The following TSHR variants were observed in gnomAD, a reference collection of about 807,000 sequenced individuals.
TSHR encodes thyrotropin receptor.
In TSHR, 51 loss-of-function variants were observed where a neutral mutation model predicts 64.1. The observed-to-expected ratio is 0.80, with a 90% confidence interval of 0.64 to 1.01. The LOEUF (loss-of-function observed/expected upper bound fraction) is 1.01, where lower values mean the gene tolerates loss of function less well. Among genes scored for constraint, TSHR ranks in the 50% least tolerant of loss-of-function variants. The probability of loss-of-function intolerance (pLI) is 0.00; values close to 1 mark genes in which losing one functional copy is unlikely to be tolerated. For synonymous variants in TSHR, 361 were observed against 361.9 expected (o/e 1.00, Z 0.03); for missense variants, 877 against 942.8 (o/e 0.93, Z 0.91).
At chr14:81,095,298 C>G (rs1750795121) in intron 6 of TSHR, 1 of 152,428 alleles carries the variant, frequency 6.6e-6, no homozygotes, top group South Asian at 2.1e-4. Flanking sequence ...TGGCCAGGCA[C>G]AGTGGCTCAC....
At chr14:81,035,494 C>T (rs989749481) in intron 1 of TSHR, among the ~76,000 whole-genome samples, 2 of 152,132 alleles carry the variant, frequency 1.3e-5, no homozygotes, top group African/African-American at 4.8e-5. Context: ...CTTCCAATGC[C>T]GAGGATGCTG....
chr14:81,133,877 C>T (rs1017348757), intron 8 of TSHR, among the ~76,000 whole-genome samples: 2 of 152,062 alleles, frequency 1.3e-5, no homozygotes, highest in Non-Finnish European at 2.9e-5. Flanking sequence ...AATCTGAGAA[C>T]ACATTTCATC....
chr14:80,969,595 C>A (rs1016737096), intron 1 of TSHR, among the ~76,000 whole-genome samples: 1 of 152,276 alleles, frequency 6.6e-6, no homozygotes, highest in Non-Finnish European at 1.5e-5. Flanking sequence ...GGAGAAGTAT[C>A]TTGATTAGAC....
chr14:81,022,595 G>A (rs922827613), intron 1 of TSHR, among the ~76,000 whole-genome samples: 1 of 151,898 alleles, frequency 6.6e-6, no homozygotes, highest in Non-Finnish European at 1.5e-5. Flanking sequence ...GGCTGAGGCA[G>A]GTGGATTACA....
rs1889173327 is a variant in TSHR at position 81,096,153 on chromosome 14, T to C, written c.546-486T>C. Among the ~76,000 whole-genome samples, 7 of 152,086 alleles carry C rather than the reference T, an allele frequency of 4.6e-5. No homozygotes were observed. In the South Asian group the frequency reaches 1.4e-3, roughly 32 times the overall value. Reference sequence around the variant, plus strand: ...TAACCCTTAAACATTTAATCTGTGATAAGCTCTGAGGATAAAAAGATGGAT... The same window carrying C: ...TAACCCTTAAACATTTAATCTGTGACAAGCTCTGAGGATAAAAAGATGGAT... On this transcript the variant is annotated intron_variant, in intron 6 of 9. Transcript: ENST00000298171.
chr14:81,013,157 T>G (rs1433125735), intron 1 of TSHR: 13 of 152,224 alleles, frequency 8.5e-5, no homozygotes, highest in Admixed American at 7.2e-4. Flanking sequence ...GCTTTCTACA[T>G]ATGGCTAGCC....
chr14:81,074,810 T>A (rs1263623157), intron 3 of TSHR, among the ~76,000 whole-genome samples: 2 of 152,214 alleles, frequency 1.3e-5, no homozygotes, highest in Non-Finnish European at 2.9e-5. Flanking sequence ...AAAACTGACT[T>A]TTTTTGGTCC....
At chr14:81,065,306 A>T (rs1337250525) in intron 2 of TSHR, among the ~76,000 whole-genome samples, 1 of 152,182 alleles carries the variant, frequency 6.6e-6, no homozygotes, top group African/African-American at 2.4e-5. Context: ...GTAGGAAAAG[A>T]TGGGACAGAT....
intron 8 of TSHR, among the ~76,000 whole-genome samples, chr14:81,123,663 G>A (rs1890899010): frequency 6.6e-6 from 1 of 152,188 alleles, no homozygotes; most frequent in Non-Finnish European, 1.5e-5. Context: ...ACGTCTAATA[G>A]TCTAAAAAGT....
intron 8 of TSHR, among the ~76,000 whole-genome samples, chr14:81,126,059 C>T (rs1477240805): frequency 6.6e-6 from 1 of 152,084 alleles, no homozygotes; most frequent in African/African-American, 2.4e-5. Flanking sequence ...ACTCAGGATA[C>T]TTGGTTTCCC....
At chr14:80,984,066 A>AGT (rs144663890) in intron 1 of TSHR, among the ~76,000 whole-genome samples, 4,258 of 151,228 alleles carry the variant, frequency 0.028, 200 homozygotes, top group African/African-American at 0.097. Context: ...AGAGAGAGTG[A>AGT]GTGTGTGTGT....
intron 1 of TSHR, among the ~76,000 whole-genome samples, chr14:81,044,248 C>G (rs1471435702): frequency 6.6e-6 from 1 of 152,066 alleles, no homozygotes; most frequent in Non-Finnish European, 1.5e-5. Context: ...AACAAACAAC[C>G]TCATTAAAAA....
chr14:81,074,201 T>G (rs112717026), intron 3 of TSHR, among the ~76,000 whole-genome samples: 9 of 152,292 alleles, frequency 5.9e-5, no homozygotes, highest in African/African-American at 2.2e-4. Context: ...GCTTATATAC[T>G]TGAGATATTG....
intron 8 of TSHR, among the ~76,000 whole-genome samples, chr14:81,132,668 T>G (rs1891296696): frequency 6.6e-6 from 1 of 152,200 alleles, no homozygotes; most frequent in African/African-American, 2.4e-5. Flanking sequence ...GAGTAAATAC[T>G]TGCTAGAGAC....
intron 1 of TSHR, among the ~76,000 whole-genome samples, chr14:81,009,144 A>C (rs923990225): frequency 2.6e-4 from 40 of 152,316 alleles, no homozygotes; most frequent in South Asian, 1.4e-3. Flanking sequence ...GTAGTCTCAG[A>C]TTTTTAAAAT....
chr14:81,090,721 T>A (rs77012051), intron 4 of TSHR, among the ~76,000 whole-genome samples: 4,616 of 152,218 alleles, frequency 0.03, 233 homozygotes, highest in African/African-American at 0.1. Flanking sequence ...AACAAACACA[T>A]AATTTTTTCC....
chr14:81,119,494 A>T (rs1468133198), intron 8 of TSHR, among the ~76,000 whole-genome samples: 35 of 139,364 alleles, frequency 2.5e-4, no homozygotes, highest in African/African-American at 1.0e-3. Flanking sequence ...ATCTCACACC[A>T]GTTAGAATGG....
intron 1 of TSHR, among the ~76,000 whole-genome samples, chr14:80,969,600 T>C (rs1253026872): frequency 6.6e-6 from 1 of 152,216 alleles, no homozygotes; most frequent in Non-Finnish European, 1.5e-5. Context: ...AGTATCTTGA[T>C]TAGACTTGAT....
intron 3 of TSHR, among the ~76,000 whole-genome samples, chr14:81,084,617 A>C (rs1888150537): frequency 6.6e-6 from 1 of 152,224 alleles, no homozygotes; most frequent in Admixed American, 6.5e-5. Flanking sequence ...ACCTTCAGGC[A>C]GTCACTCAGG....
Sources: gnomAD v4.1 joint callset for allele counts (sites outside exome capture counted in the v4.1 genomes callset) on GRCh38, gnomAD v4.1.1 for gene constraint, MANE v1.5 for transcripts, NCBI Gene and HGNC (gene_info 2026-07-23, HGNC 2026-07-21) for gene names.